Variants in EYS observed in about 807,000 individuals in gnomAD.
EYS encodes the protein EGF-like photoreceptor maintenance factor.
Under a neutral mutation model 282.1 loss-of-function variants are expected in EYS, and 250 were observed. That is an observed-to-expected ratio of 0.89 (90% CI 0.80 to 0.98). EYS has a LOEUF of 0.98. Among genes scored for constraint, EYS ranks in the 50% least tolerant of loss-of-function variants. The pLI is 0.00. For missense variants in EYS, 4,016 were observed against 3,709.0 expected, an observed-to-expected ratio of 1.08 and a Z score of -2.15; for synonymous variants, 1,355 against 1,282.9, an observed-to-expected ratio of 1.06 and a Z score of -1.20.
chr6:65,006,280 A>G (rs149088568), intron 13 of EYS, among the ~76,000 whole-genome samples: 97 of 152,064 alleles, frequency 6.4e-4, no homozygotes, highest in African/African-American at 2.1e-3. Flanking sequence ...AGTGTTCCCT[A>G]TTCATTTAAA....
chr6:64,153,073 C>A (rs183448778), intron 31 of EYS, among the ~76,000 whole-genome samples: 1 of 152,096 alleles, frequency 6.6e-6, no homozygotes, highest in Non-Finnish European at 1.5e-5. Flanking sequence ...AATAACTGTG[C>A]TATGCCAGGT....
At chr6:64,687,330 C>T (rs1770192825) in intron 22 of EYS, among the ~76,000 whole-genome samples, 1 of 151,856 alleles carries the variant, frequency 6.6e-6, no homozygotes, top group Admixed American at 6.6e-5. Context: ...ACAAAAATAA[C>T]ATATTTGTAT....
chr6:65,423,549 G>T (rs1467558463), intron 5 of EYS, among the ~76,000 whole-genome samples: 1 of 151,838 alleles, frequency 6.6e-6, no homozygotes, highest in African/African-American at 2.4e-5. Flanking sequence ...CATAAATTGA[G>T]AATTTTTATT....
intron 12 of EYS, among the ~76,000 whole-genome samples, chr6:65,144,725 A>G (rs1011378410): frequency 1.3e-5 from 2 of 151,976 alleles, no homozygotes; most frequent in African/African-American, 4.8e-5. Context: ...GTGTCTACTC[A>G]TAATCACAGA....
chr6:65,619,034 G>A (rs868478622), intron 2 of EYS, among the ~76,000 whole-genome samples: 9 of 152,136 alleles, frequency 5.9e-5, no homozygotes, highest in African/African-American at 1.2e-4. Flanking sequence ...TTGGCGATGC[G>A]GGCTCTTTTT....
At chr6:64,781,576 C>CAAAAA (rs5876923) in intron 22 of EYS, among the ~76,000 whole-genome samples, 12 of 87,682 alleles carry the variant, frequency 1.4e-4, no homozygotes, top group Non-Finnish European at 2.5e-4. Flanking sequence ...GACTCCGTCT[C>CAAAAA]AAAAAAAAAA....
chr6:64,275,451 C>CTTTTTTTT (rs367970233), intron 30 of EYS, among the ~76,000 whole-genome samples: 1 of 140,342 alleles, frequency 7.1e-6, no homozygotes, highest in Non-Finnish European at 1.5e-5. Context: ...TGTTCTATTT[C>CTTTTTTTT]TTTTTTTTTT....
intron 41 of EYS, among the ~76,000 whole-genome samples, chr6:63,747,713 T>G (rs1442731868): frequency 6.6e-6 from 1 of 152,202 alleles, no homozygotes; most frequent in African/African-American, 2.4e-5. Flanking sequence ...TCCTTTTTTT[T>G]GTCTTTTTTG....
chr6:64,138,067 C>T (rs945068288), intron 31 of EYS, among the ~76,000 whole-genome samples: 2 of 151,988 alleles, frequency 1.3e-5, no homozygotes, highest in African/African-American at 2.4e-5. Context: ...AAAGCCAAAG[C>T]GAGATGAAGC....
At chr6:64,135,730 A>G (rs1012321856) in intron 31 of EYS, among the ~76,000 whole-genome samples, 1 of 152,106 alleles carries the variant, frequency 6.6e-6, no homozygotes, top group Non-Finnish European at 1.5e-5. Flanking sequence ...TAAGTATGCA[A>G]TATAATTATA....
chr6:64,153,593 T>A (rs778983017), intron 31 of EYS, among the ~76,000 whole-genome samples: 62 of 152,182 alleles, frequency 4.1e-4, no homozygotes, highest in Non-Finnish European at 8.2e-4. Context: ...GCAAGACAGA[T>A]TAAAACAACT....
In EYS at chr6:63,749,367, T is replaced by C. The variant is rs184188644; in HGVS notation, c.8071+13094A>G. On this transcript the variant is annotated intron_variant, in intron 41 of 42. Coordinates refer to ENST00000503581, the MANE Select transcript of EYS (RefSeq NM_001142800.2). ...GACAGAGTGGTTGTTATGATTTCAG[T>C]TCTTTTGCATTTGCTGAGGAGTATC... Among the ~76,000 whole-genome samples the C allele has an allele frequency of 3.4e-3, 518 of 152,322 alleles. 4 individuals are homozygous for C. The highest frequency in any genetic ancestry group is 0.011 in the African/African-American group (463 of 41,570).
chr6:64,919,165 T>C (rs577455625), intron 15 of EYS, among the ~76,000 whole-genome samples: 35 of 152,118 alleles, frequency 2.3e-4, no homozygotes, highest in African/African-American at 7.9e-4. Flanking sequence ...AACCTTTCTT[T>C]CTTTAATTTT....
intron 31 of EYS, among the ~76,000 whole-genome samples, chr6:64,191,761 C>G (rs1317943508): frequency 1.3e-5 from 2 of 151,772 alleles, no homozygotes; most frequent in Non-Finnish European, 2.9e-5. Context: ...CAAGTCTTTG[C>G]TATTGTGAAT....
chr6:65,176,799 G>T (rs1022651617), intron 12 of EYS, among the ~76,000 whole-genome samples: 2 of 151,444 alleles, frequency 1.3e-5, no homozygotes, highest in African/African-American at 4.8e-5. Flanking sequence ...TTACCTAAAT[G>T]GTGGGTAACA....
chr6:64,371,013 C>T (rs564714981), intron 29 of EYS, among the ~76,000 whole-genome samples: 87 of 151,952 alleles, frequency 5.7e-4, no homozygotes, highest in African/African-American at 2.0e-3. Flanking sequence ...TCTTACTTTC[C>T]TTCAATTTAG....
chr6:63,920,852 G>A (rs1445843175), intron 35 of EYS, among the ~76,000 whole-genome samples: 1 of 151,822 alleles, frequency 6.6e-6, no homozygotes, highest in Non-Finnish European at 1.5e-5. Flanking sequence ...CTCAGATAAG[G>A]CCCTCACACC....
intron 2 of EYS, among the ~76,000 whole-genome samples, chr6:65,633,920 T>G (rs1039597646): frequency 6.6e-6 from 1 of 152,254 alleles, no homozygotes; most frequent in African/African-American, 2.4e-5. Context: ...AAGTCTTCAG[T>G]GCTCTTCGGC....
chr6:64,982,965 T>C (rs2150117734), intron 14 of EYS, among the ~76,000 whole-genome samples: 1 of 151,316 alleles, frequency 6.6e-6, no homozygotes, highest in South Asian at 2.1e-4. Flanking sequence ...ATAAAATCCT[T>C]ATGATGCTTG....
Sources: gnomAD v4.1 joint callset for allele counts (sites outside exome capture counted in the v4.1 genomes callset) on GRCh38, gnomAD v4.1.1 for gene constraint, MANE v1.5 for transcripts, NCBI Gene and HGNC (gene_info 2026-07-23, HGNC 2026-07-21) for gene names.